CNTNAP2: variants seen among roughly 807,000 people sequenced by gnomAD.
CNTNAP2 encodes the protein contactin-associated protein-like 2.
In CNTNAP2, 98 loss-of-function variants were observed where a neutral mutation model predicts 155.2. The observed-to-expected ratio is 0.63, with a 90% CI of 0.54 to 0.75. The LOEUF is 0.75. CNTNAP2 is among the 30% of genes least tolerant of loss of function. The pLI is 0.00. For missense variants in CNTNAP2, 1,727 were observed against 1,688.1 expected (o/e 1.02, Z -0.40); for synonymous variants, 651 against 631.2 (o/e 1.03, Z -0.47).
intron 1 of CNTNAP2, among the ~76,000 whole-genome samples, chr7:146,575,962 T>G (rs183131355): frequency 6.6e-6 from 1 of 152,260 alleles, no homozygotes; most frequent in Non-Finnish European, 1.5e-5. Flanking sequence ...ACCTTAATGG[T>G]GATTCAAGGC....
At chr7:146,267,846 T>C (rs773890138) in intron 1 of CNTNAP2, among the ~76,000 whole-genome samples, 1 of 152,154 alleles carries the variant, frequency 6.6e-6, no homozygotes, top group African/African-American at 2.4e-5. Context: ...TTTCTATAGA[T>C]ATAAAAATTA....
chr7:146,622,774 T>A (rs1303962957), intron 1 of CNTNAP2, among the ~76,000 whole-genome samples: 1 of 151,854 alleles, frequency 6.6e-6, no homozygotes, highest in Non-Finnish European at 1.5e-5. Context: ...CTGACCAATA[T>A]GGTGAAACCC....
chr7:148,262,116 C>T (rs1796574211), intron 20 of CNTNAP2, among the ~76,000 whole-genome samples: 1 of 152,018 alleles, frequency 6.6e-6, no homozygotes. Flanking sequence ...TCAGGAAGGG[C>T]TTATTTTAGG....
chr7:147,403,611 C>G (rs990179404), intron 10 of CNTNAP2, among the ~76,000 whole-genome samples: 1 of 152,150 alleles, frequency 6.6e-6, no homozygotes, highest in Non-Finnish European at 1.5e-5. Flanking sequence ...GCTTTTATGT[C>G]TTAACACTTA....
At chr7:147,174,170 A>G (rs1041895767) in intron 8 of CNTNAP2, among the ~76,000 whole-genome samples, 1 of 152,018 alleles carries the variant, frequency 6.6e-6, no homozygotes, top group Non-Finnish European at 1.5e-5. Context: ...TCTGTCTCAA[A>G]AACTGAATTT....
chr7:146,945,921 C>G (rs1258852769), intron 3 of CNTNAP2, among the ~76,000 whole-genome samples: 2 of 152,072 alleles, frequency 1.3e-5, no homozygotes, highest in Non-Finnish European at 2.9e-5. Flanking sequence ...ACTACTTCGC[C>G]GTTGTGCTAA....
At chr7:146,608,807 C>T (rs1011531792) in intron 1 of CNTNAP2, among the ~76,000 whole-genome samples, 2 of 152,016 alleles carry the variant, frequency 1.3e-5, no homozygotes, top group African/African-American at 4.8e-5. Context: ...GGGATGATCT[C>T]CCTTTTTTCT....
chr7:147,338,932 T>C (rs1795709531), intron 9 of CNTNAP2, among the ~76,000 whole-genome samples: 1 of 152,156 alleles, frequency 6.6e-6, no homozygotes, highest in African/African-American at 2.4e-5. Flanking sequence ...TGAATACTTT[T>C]TCATGTACCA....
chr7:147,949,440 G>GTGTGTATATATA (rs374972144), intron 14 of CNTNAP2, among the ~76,000 whole-genome samples: 1 of 127,366 alleles, frequency 7.9e-6, no homozygotes, highest in African/African-American at 2.7e-5. Flanking sequence ...TCAACTGTGT[G>GTGTGTATATATA]TATATATATA....
intron 1 of CNTNAP2, among the ~76,000 whole-genome samples, chr7:146,460,133 A>G (rs1326577842): frequency 2.0e-5 from 3 of 152,214 alleles, no homozygotes; most frequent in African/African-American, 7.2e-5. Context: ...GAGAATGTTG[A>G]CAACACCTGT....
intron 3 of CNTNAP2, among the ~76,000 whole-genome samples, chr7:146,956,339 A>G (rs1797435547): frequency 6.6e-6 from 1 of 152,124 alleles, no homozygotes; most frequent in Non-Finnish European, 1.5e-5. Flanking sequence ...AAAAGCCATC[A>G]AGTTGCATCT....
chr7:147,809,735 A>G lies in CNTNAP2; in HGVS notation c.2099-93830A>G, dbSNP rs79871699. Among the ~76,000 whole-genome samples the G allele has an allele frequency of 8.8e-3, 1,347 of 152,276 alleles. 24 individuals are homozygous for G. The highest frequency in any genetic ancestry group is 0.031 in the African/African-American group (1,278 of 41,544). ...ATATTGTATTCTGGTGTGTTATGCT[A>G]CAATTTGTATAGGGAATGAGACACA... On this transcript the variant is annotated intron_variant, in intron 13 of 23. Transcript: ENST00000361727.
chr7:148,185,384 G>A (rs1335008981), intron 18 of CNTNAP2, among the ~76,000 whole-genome samples: 1 of 152,198 alleles, frequency 6.6e-6, no homozygotes, highest in Non-Finnish European at 1.5e-5. Flanking sequence ...TCTTGAGGTT[G>A]TTATTGAGAT....
intron 4 of CNTNAP2, among the ~76,000 whole-genome samples, chr7:147,091,961 G>A (rs956575822): frequency 6.6e-5 from 10 of 152,006 alleles, no homozygotes; most frequent in Non-Finnish European, 8.8e-5. Flanking sequence ...GGATGGTGTC[G>A]ATCTCCTGAC....
chr7:147,073,202 C>A (rs1244262611), intron 4 of CNTNAP2, among the ~76,000 whole-genome samples: 1 of 143,534 alleles, frequency 7.0e-6, no homozygotes, highest in Non-Finnish European at 1.5e-5. Flanking sequence ...AAATGTGGTA[C>A]ATATATTCCA....
chr7:147,131,070 G>A (rs13308276), intron 7 of CNTNAP2, among the ~76,000 whole-genome samples: 11 of 53,918 alleles, frequency 2.0e-4, no homozygotes, highest in Admixed American at 7.0e-4. Flanking sequence ...ATATATGTGT[G>A]TATATATATG....
chr7:147,756,596 A>G (rs992071647), intron 13 of CNTNAP2, among the ~76,000 whole-genome samples: 6 of 152,230 alleles, frequency 3.9e-5, no homozygotes, highest in Admixed American at 1.3e-4. Context: ...AATCATCATT[A>G]AAAACAGATT....
At chr7:148,199,665 G>T (rs565294318) in intron 18 of CNTNAP2, among the ~76,000 whole-genome samples, 1 of 152,320 alleles carries the variant, frequency 6.6e-6, no homozygotes, top group African/African-American at 2.4e-5. Flanking sequence ...TTGAGATTGT[G>T]CTATAAGCAT....
Position 146,729,458 on chromosome 7 carries a change from GA to G in CNTNAP2, c.98-44804del, listed in dbSNP as rs553299441. ...GTCAGTGCTAAACTATTTGTATTAA[GA>G]AAAAAAAAGAGCTTAAGAGAAATGC... On this transcript the variant is annotated intron_variant, in intron 1 of 23. Transcript: ENST00000361727. Among the ~76,000 whole-genome samples the G allele has an allele frequency of 5.6e-4, 83 of 148,418 alleles. No homozygotes were observed. In the South Asian group the frequency reaches 6.8e-3, roughly 12 times the overall value.
Sources: gnomAD v4.1 joint callset for allele counts (sites outside exome capture counted in the v4.1 genomes callset) on GRCh38, gnomAD v4.1.1 for gene constraint, MANE v1.5 for transcripts, NCBI Gene and HGNC (gene_info 2026-07-23, HGNC 2026-07-21) for gene names.